The following HMGB1 variants were observed in gnomAD, a reference collection of about 807,000 sequenced individuals.
HMGB1 encodes high mobility group protein B1.
For missense variants in HMGB1, 79 were observed against 253.5 expected, an observed-to-expected ratio of 0.31 and a Z score of 4.67; for synonymous variants, 81 against 84.0, an observed-to-expected ratio of 0.96 and a Z score of 0.19.
At chr13:30,476,104 G>T (rs370030675) in intron 1 of HMGB1, among the ~76,000 whole-genome samples, 5 of 149,534 alleles carry the variant, frequency 3.3e-5, no homozygotes, top group Non-Finnish European at 7.4e-5. Context: ...TTGTGATATC[G>T]CAGGTGGCAT....
intron 1 of HMGB1, chr13:30,554,654 C>T: frequency 3.9e-6 from 3 of 771,474 alleles, no homozygotes; most frequent in Non-Finnish European, 7.3e-6. Flanking sequence ...GACAGGTGAC[C>T]GATGTACAGT....
In HMGB1 at chr13:30,578,368, C is replaced by CTTT. The variant is rs60947686; in HGVS notation, c.-15+38300_-15+38302dup. On this transcript the variant is annotated intron_variant, in intron 1 of 4. Coordinates refer to the HMGB1 transcript ENST00000405805. Reference sequence around the variant, plus strand: ...TCAAGATCAGAGACCAGTTCTTGTTCTTTTTTTTTTTTTTTTTTTTTTTTT... The same window carrying CTTT: ...TCAAGATCAGAGACCAGTTCTTGTTCTTTTTTTTTTTTTTTTTTTTTTTTTTTT... Among the ~76,000 whole-genome samples the CTTT allele has an allele frequency of 6.9e-4, 41 of 59,318 alleles. 2 individuals carry two copies. The highest frequency in any genetic ancestry group is 1.4e-3 in the Admixed American group (7 of 5,076). 38.9% of individuals were successfully genotyped at this position (59,318 alleles called of 152,430 possible).
At chr13:30,532,317 A>G (rs1230772333) in intron 1 of HMGB1, among the ~76,000 whole-genome samples, 1 of 141,596 alleles carries the variant, frequency 7.1e-6, no homozygotes, top group Non-Finnish European at 1.5e-5. Flanking sequence ...CCTGGGCGAC[A>G]GAGCAAGACT....
At chr13:30,467,534 G>A (rs1478002103), upstream of HMGB1, among the ~76,000 whole-genome samples, 4 of 152,126 alleles carry the variant, frequency 2.6e-5, no homozygotes, top group East Asian at 7.7e-4. Flanking sequence ...ATATTAAAGA[G>A]GATATAAATT....
At chr13:30,495,706 C>T (rs557188960) in intron 1 of HMGB1, among the ~76,000 whole-genome samples, 1 of 152,298 alleles carries the variant, frequency 6.6e-6, no homozygotes, top group South Asian at 2.1e-4. Context: ...TCTCGATCTC[C>T]TGACCCTGTG....
At chr13:30,582,454 C>T (rs1460819566) in intron 1 of HMGB1, among the ~76,000 whole-genome samples, 1 of 151,770 alleles carries the variant, frequency 6.6e-6, no homozygotes, top group East Asian at 1.9e-4. Flanking sequence ...CTGGCTGACA[C>T]GGTGAAACCC....
intron 1 of HMGB1, among the ~76,000 whole-genome samples, chr13:30,605,930 T>A (rs1442146036): frequency 6.6e-6 from 1 of 152,164 alleles, no homozygotes; most frequent in Non-Finnish European, 1.5e-5. Context: ...CTAAAATAAG[T>A]CCATTCTCCT....
intron 1 of HMGB1, among the ~76,000 whole-genome samples, chr13:30,581,742 C>G (rs890204999): frequency 6.6e-6 from 1 of 152,256 alleles, no homozygotes; most frequent in Non-Finnish European, 1.5e-5. Flanking sequence ...GAGGGAGACA[C>G]CTGCAGGCAA....
In HMGB1 at chr13:30,498,693, G is replaced by A. The variant is rs565915570; in HGVS notation, c.-14-34999C>T. On this transcript the variant is annotated intron_variant, in intron 1 of 4. Transcript: ENST00000405805. ...GACGAAGTCTTGCTTTGTGGCCCAC[G>A]CTGGAGTGCAGTGGCATGACCTGGG... Among the ~76,000 whole-genome samples the A allele has an allele frequency of 4.0e-5, 6 of 150,670 alleles. No homozygotes were observed. The South Asian group carries it at 8.4e-4, about 21-fold the overall frequency.
intron 1 of HMGB1, among the ~76,000 whole-genome samples, chr13:30,526,386 G>A (rs1443890808): frequency 6.6e-6 from 1 of 152,142 alleles, no homozygotes; most frequent in Non-Finnish European, 1.5e-5. Context: ...ACAGACTTGT[G>A]AATTATTCAT....
At chr13:30,480,809 G>T (rs1357560489) in intron 1 of HMGB1, among the ~76,000 whole-genome samples, 1 of 151,828 alleles carries the variant, frequency 6.6e-6, no homozygotes, top group East Asian at 1.9e-4. Context: ...AGTGCCTAAA[G>T]TACCTAGTTC....
chr13:30,476,865 C>CAAA lies in HMGB1; in HGVS notation c.-14-13174_-14-13172dup, dbSNP rs35075993. On this transcript the variant is annotated intron_variant, in intron 1 of 4. Coordinates refer to the HMGB1 transcript ENST00000405805. ...TGGGCAAAAGAGCGAGATTCTGTCT[C>CAAA]AAAAAAAAAAAAAAAAGATTTTGTT... Among the ~76,000 whole-genome samples, 741 of 135,550 alleles carry CAAA rather than the reference C, an allele frequency of 5.5e-3. 11 individuals are homozygous for CAAA. Among genetic ancestry groups the CAAA allele is most frequent in the African/African-American group, 0.019 (673 of 35,676 alleles). The allele number at this position is 135,550 out of a possible 152,430, so 88.9% of individuals were successfully genotyped here.
At chr13:30,528,064 C>T (rs1209463337) in intron 1 of HMGB1, among the ~76,000 whole-genome samples, 1 of 152,244 alleles carries the variant, frequency 6.6e-6, no homozygotes, top group Non-Finnish European at 1.5e-5. Context: ...GGCACTTTTA[C>T]AGCAGCGCAT....
chr13:30,549,716 T>G (rs975420959), intron 1 of HMGB1, among the ~76,000 whole-genome samples: 110 of 151,418 alleles, frequency 7.3e-4, no homozygotes, highest in African/African-American at 2.4e-3. Context: ...TGTTTGTTTT[T>G]TTTTTTTTGA....
chr13:30,516,047 A>C (rs1888095020), intron 1 of HMGB1, among the ~76,000 whole-genome samples: 3 of 152,200 alleles, frequency 2.0e-5, no homozygotes, highest in Admixed American at 1.3e-4. Context: ...GGAGATTTAC[A>C]GTCCATATTA....
intron 1 of HMGB1, among the ~76,000 whole-genome samples, chr13:30,605,769 T>C (rs1260018011): frequency 6.6e-6 from 1 of 152,184 alleles, no homozygotes; most frequent in Non-Finnish European, 1.5e-5. Context: ...TCATTTTACA[T>C]ATGCAAACAT....
chr13:30,458,949 G>T lies in HMGB1; in HGVS notation c.*2408C>A, dbSNP rs1461778570. ...GGAAATTTGACTCGTTAATCAATAT[G>T]CCATATGCCTATCTTTAAAATACAA... On this transcript the variant is annotated 3_prime_UTR_variant, in exon 5 of 5. Coordinates refer to ENST00000341423, the MANE Select transcript of HMGB1 (RefSeq NM_002128.7). 1 of 152,070 alleles carries T rather than the reference G, an allele frequency of 6.6e-6. No individual in the cohort carries two copies. Among genetic ancestry groups the T allele is most frequent in the African/African-American group, 2.4e-5 (1 of 41,412 alleles). The allele number at this position is 152,070 out of a possible 1,614,324, so 9.4% of individuals were successfully genotyped here.
chr13:30,575,243 T>C (rs916337348), intron 1 of HMGB1, among the ~76,000 whole-genome samples: 1 of 152,202 alleles, frequency 6.6e-6, no homozygotes, highest in Non-Finnish European at 1.5e-5. Flanking sequence ...TTGCTTCAGT[T>C]TGTGTTTTTT....
At chr13:30,476,898 A>G (rs1887110876) in intron 1 of HMGB1, among the ~76,000 whole-genome samples, 1 of 151,848 alleles carries the variant, frequency 6.6e-6, no homozygotes, top group African/African-American at 2.4e-5. Flanking sequence ...GTTTAATCCT[A>G]ACAGTAATCC....
Sources: allele counts gnomAD v4.1 joint callset (sites outside exome capture counted in the v4.1 genomes callset), GRCh38; gene constraint gnomAD v4.1.1; transcripts MANE v1.5; gene names NCBI Gene and HGNC (gene_info 2026-07-23, HGNC 2026-07-21).